The following GULP1 variants were observed in gnomAD, a reference collection of about 807,000 sequenced individuals.
GULP1 encodes PTB domain-containing engulfment adapter protein 1.
Under a neutral mutation model 40.9 loss-of-function variants are expected in GULP1, and 19 were observed. The observed-to-expected ratio is 0.46, with a 90% CI of 0.32 to 0.68. The LOEUF is 0.68. Ranked by LOEUF, GULP1 falls within the 30% of genes least tolerant of loss-of-function variation. The probability of loss-of-function intolerance (pLI) is 0.03; values close to 1 mark genes in which losing one functional copy is unlikely to be tolerated. For synonymous variants in GULP1, 119 were observed against 117.6 expected (o/e 1.01, Z -0.08); for missense variants, 312 against 362.2 (o/e 0.86, Z 1.12).
At chr2:188,311,159 C>T (rs940250795) in intron 1 of GULP1, among the ~76,000 whole-genome samples, 2 of 152,082 alleles carry the variant, frequency 1.3e-5, no homozygotes, top group African/African-American at 4.8e-5. Flanking sequence ...TGCCCAATTC[C>T]CCAAATAATA....
At chr2:188,384,099 T>C (rs1197454198) in intron 2 of GULP1, 1 of 152,200 alleles carries the variant, frequency 6.6e-6, no homozygotes, top group East Asian at 1.9e-4. Flanking sequence ...TATATAATTT[T>C]ATTTTTGTTT....
At chr2:188,559,279 C>T (rs527336963) in intron 7 of GULP1, among the ~76,000 whole-genome samples, 2 of 152,326 alleles carry the variant, frequency 1.3e-5, no homozygotes, top group South Asian at 4.1e-4. Context: ...GGGTAGAGCT[C>T]AGGCTATGGT....
intron 7 of GULP1, among the ~76,000 whole-genome samples, chr2:188,568,567 C>T (rs1315969768): frequency 1.3e-5 from 2 of 152,254 alleles, no homozygotes; most frequent in Non-Finnish European, 2.9e-5. Flanking sequence ...CTGTGTTTTA[C>T]CAAAATACAA....
rs184230714 is a variant in GULP1 at position 188,376,895 on chromosome 2, C to T, written c.-171-6868C>T. On this transcript the variant is annotated intron_variant, in intron 1 of 11. Coordinates refer to ENST00000409830, the MANE Select transcript of GULP1 (RefSeq NM_016315.4). Reference sequence around the variant, plus strand: ...GCCACAAGAAATAAATAATTTGGGCCGGGCGCAGTGGCTCATGCCTGTAAT... The same window carrying T: ...GCCACAAGAAATAAATAATTTGGGCTGGGCGCAGTGGCTCATGCCTGTAAT... 1.6e-3 allele frequency among the ~76,000 whole-genome samples: 246 copies of T among 152,168 alleles called. 2 individuals are homozygous for T. The highest frequency in any genetic ancestry group is 7.3e-3 in the South Asian group (35 of 4,824).
At chr2:188,306,038 A>G (rs1264377081) in intron 1 of GULP1, among the ~76,000 whole-genome samples, 1 of 152,136 alleles carries the variant, frequency 6.6e-6, no homozygotes, top group African/African-American at 2.4e-5. Flanking sequence ...TCAGCCTCCC[A>G]AAGTGCTGGG....
At chr2:188,373,040 C>G (rs560715397) in intron 1 of GULP1, among the ~76,000 whole-genome samples, 4 of 150,848 alleles carry the variant, frequency 2.7e-5, no homozygotes, top group African/African-American at 9.7e-5. Flanking sequence ...TTTATATATT[C>G]ATTTATATCA....
Position 188,358,763 on chromosome 2 carries a change from A to G in GULP1, c.-171-25000A>G, listed in dbSNP as rs1011016647. On this transcript the variant is annotated intron_variant, in intron 1 of 11. Coordinates refer to ENST00000409830, the MANE Select transcript of GULP1 (RefSeq NM_016315.4). ...TCTTGCACAGTATTTTATATGAAGA[A>G]AATTAAATAAAAATAAGCTTGCTTC... 3.9e-5 allele frequency among the ~76,000 whole-genome samples: 6 copies of G among 152,154 alleles called. No homozygotes were observed. In the South Asian group the frequency reaches 1.2e-3, roughly 31 times the overall value.
chr2:188,392,198 T>C (rs1213132092), intron 2 of GULP1, among the ~76,000 whole-genome samples: 4 of 152,096 alleles, frequency 2.6e-5, no homozygotes, highest in Non-Finnish European at 5.9e-5. Flanking sequence ...TTTGAATGTC[T>C]GATAGAACTC....
chr2:188,517,736 GA>G (rs2065328068), intron 4 of GULP1, among the ~76,000 whole-genome samples: 1 of 151,974 alleles, frequency 6.6e-6, no homozygotes, highest in African/African-American at 2.4e-5. Flanking sequence ...TTTCCTCAGG[GA>G]AAAATTCTTC....
intron 2 of GULP1, among the ~76,000 whole-genome samples, chr2:188,436,843 C>T (rs922067702): frequency 4.9e-4 from 74 of 152,070 alleles, no homozygotes; most frequent in African/African-American, 1.7e-3. Flanking sequence ...TTTTGGAAAC[C>T]ACTTTTTAGA....
chr2:188,582,337 A>G (rs1701491521), intron 9 of GULP1: 1 of 470,630 alleles, frequency 2.1e-6, no homozygotes, highest in Non-Finnish European at 4.4e-6. Flanking sequence ...TCATTCCTTT[A>G]CAGCTGCTGC....
rs1559359596 is a variant in GULP1 at position 188,541,287 on chromosome 2, A to C, written c.368A>C (p.His123Pro). 1.2e-6 allele frequency: 2 copies of C among 1,613,104 alleles called. No individual in the cohort carries two copies. The highest frequency in any genetic ancestry group is 1.7e-6 in the Non-Finnish European group (2 of 1,179,120). ...FICKDSESNK[H>P]LCYVFDSEKC... ...TGCAAAGATTCTGAGTCAAATAAAC[A>C]TTTGTGCTATGTATTTGACAGCGAA... Residue 123 changes from histidine (H) to proline (P), a missense_variant, in exon 7 of 12, where the codon CAT (histidine) becomes CCT (proline). Coordinates refer to ENST00000409830, the MANE Select transcript of GULP1 (RefSeq NM_016315.4).
chr2:188,531,010 G>A (rs1687404931), intron 6 of GULP1, among the ~76,000 whole-genome samples: 1 of 152,110 alleles, frequency 6.6e-6, no homozygotes, highest in South Asian at 2.1e-4. Flanking sequence ...GTTTCCCACA[G>A]GTCTGCAACT....
chr2:188,462,047 T>C (rs541203045), intron 2 of GULP1, among the ~76,000 whole-genome samples: 1 of 152,232 alleles, frequency 6.6e-6, no homozygotes, highest in African/African-American at 2.4e-5. Context: ...TTCTTCTTTT[T>C]TGTTGGAGTC....
chr2:188,471,497 T>C lies in GULP1; in HGVS notation c.-44-6162T>C, dbSNP rs191837859. On this transcript the variant is annotated intron_variant, in intron 2 of 11. Coordinates refer to ENST00000409830, the MANE Select transcript of GULP1 (RefSeq NM_016315.4). Reference sequence around the variant, plus strand: ...TTGAAGGAGATTTTGTCTGGTGATATGATTTAGTTTTTTGCCTTTCATTTT... The same window carrying C: ...TTGAAGGAGATTTTGTCTGGTGATACGATTTAGTTTTTTGCCTTTCATTTT... 1.7e-3 allele frequency among the ~76,000 whole-genome samples: 259 copies of C among 152,290 alleles called. 1 individual carries two copies. In the Middle Eastern group the frequency reaches 0.024, roughly 14 times the overall value.
intron 1 of GULP1, among the ~76,000 whole-genome samples, chr2:188,339,535 G>T (rs2042700595): frequency 1.3e-5 from 2 of 152,134 alleles, no homozygotes; most frequent in Non-Finnish European, 2.9e-5. Flanking sequence ...AAAAACTAAG[G>T]TTGGAAATGC....
At chr2:188,593,236 T>G (rs1285919982) in intron 11 of GULP1, 2 of 150,298 alleles carry the variant, frequency 1.3e-5, no homozygotes, top group African/African-American at 2.4e-5. Context: ...GAGATTGGAG[T>G]GAAGGAGGAC....
chr2:188,336,247 C>G (rs1266713955), intron 1 of GULP1, among the ~76,000 whole-genome samples: 2 of 152,274 alleles, frequency 1.3e-5, no homozygotes, highest in East Asian at 1.9e-4. Context: ...TTTTTCTCTT[C>G]CAGGAGATTG....
intron 7 of GULP1, among the ~76,000 whole-genome samples, chr2:188,566,507 A>T (rs1004523228): frequency 6.6e-6 from 1 of 152,148 alleles, no homozygotes; most frequent in Non-Finnish European, 1.5e-5. Context: ...CAAATTGAGT[A>T]TTTAAAGATA....
Sources: allele counts gnomAD v4.1 joint callset (sites outside exome capture counted in the v4.1 genomes callset), GRCh38; gene constraint gnomAD v4.1.1; transcripts MANE v1.5; gene names NCBI Gene and HGNC (gene_info 2026-07-23, HGNC 2026-07-21).